Variants in DOCK4 observed in about 807,000 individuals in gnomAD.
DOCK4 encodes dedicator of cytokinesis 4.
A neutral mutation model predicts 268.1 loss-of-function variants in DOCK4; 97 were observed. The observed-to-expected ratio is 0.36, with a 90% confidence interval of 0.31 to 0.43. DOCK4 has a LOEUF of 0.43. DOCK4 is among the 20% of genes least tolerant of loss of function. The pLI, the probability that DOCK4 is intolerant of heterozygous loss-of-function variation, is 1.00. For synonymous variants in DOCK4, 954 were observed against 887.2 expected (o/e 1.08, Z -1.34); for missense variants, 2,145 against 2,455.7 (o/e 0.87, Z 2.67).
intron 39 of DOCK4, among the ~76,000 whole-genome samples, chr7:111,760,738 TTGTGTGTGTGTGTGTGTGTGTGTG>T (rs3997406): frequency 7.3e-6 from 1 of 137,002 alleles, no homozygotes; most frequent in Admixed American, 7.6e-5. Flanking sequence ...TGTCTGCTTT[TTGTGTGTGTGTGTGTGTGTGTGTG>T]TGTGTGTGTG....
At chr7:111,970,411 G>A (rs906375076) in intron 8 of DOCK4, among the ~76,000 whole-genome samples, 2 of 151,992 alleles carry the variant, frequency 1.3e-5, no homozygotes, top group African/African-American at 4.8e-5. Flanking sequence ...GTGTTACAAG[G>A]GCTGATTAAA....
chr7:111,842,929 T>A (rs997234591), intron 25 of DOCK4, among the ~76,000 whole-genome samples: 1 of 152,206 alleles, frequency 6.6e-6, no homozygotes, highest in Non-Finnish European at 1.5e-5. Context: ...ATGAGTGGTA[T>A]CACACAAAGC....
chr7:111,890,829 T>C (rs2134348906), intron 16 of DOCK4, among the ~76,000 whole-genome samples: 1 of 152,346 alleles, frequency 6.6e-6, no homozygotes, highest in South Asian at 2.1e-4. Flanking sequence ...GGATTGAGTC[T>C]TTTAAACTAA....
At chr7:111,755,209 G>A (rs1213456826) in intron 42 of DOCK4, among the ~76,000 whole-genome samples, 1 of 152,140 alleles carries the variant, frequency 6.6e-6, no homozygotes, top group Non-Finnish European at 1.5e-5. Flanking sequence ...AAGCACTGAA[G>A]GTCACACAGC....
intron 1 of DOCK4, among the ~76,000 whole-genome samples, chr7:112,062,462 TTA>T (rs1806508183): frequency 6.6e-6 from 1 of 152,206 alleles, no homozygotes; most frequent in Non-Finnish European, 1.5e-5. Flanking sequence ...GTCAATGTTT[TTA>T]TATTTAACTA....
intron 17 of DOCK4, among the ~76,000 whole-genome samples, chr7:111,874,094 C>G (rs1247718545): frequency 6.6e-6 from 1 of 152,172 alleles, no homozygotes; most frequent in Non-Finnish European, 1.5e-5. Context: ...TGCTGCTTCC[C>G]TCCTACCTAC....
chr7:111,839,784 A>T (rs1174723466), intron 25 of DOCK4, among the ~76,000 whole-genome samples: 1 of 152,048 alleles, frequency 6.6e-6, no homozygotes, highest in Admixed American at 6.6e-5. Flanking sequence ...CCATAATGTA[A>T]TTTTTTTGCT....
At position 112,117,070 on chromosome 7, in the gene DOCK4, A is replaced by C. The variant is rs531360146; in HGVS notation, c.37+89032T>G. On this transcript the variant is annotated intron_variant, in intron 1 of 52. Coordinates refer to ENST00000428084, the MANE Select transcript of DOCK4 (RefSeq NM_001363540.2). ...AACCAAGCCATGCAACAACAAACAA[A>C]ACACACCTGTGCACACACTTTAAAA... is the stretch of plus-strand genomic sequence containing the variant. Among the ~76,000 whole-genome samples, 7 of 152,300 alleles carry C rather than the reference A, an allele frequency of 4.6e-5. No homozygotes were observed. The East Asian group carries it at 1.4e-3, about 29-fold the overall frequency.
intron 39 of DOCK4, among the ~76,000 whole-genome samples, chr7:111,763,157 T>C (rs1797562388): frequency 6.6e-6 from 1 of 152,098 alleles, no homozygotes; most frequent in Admixed American, 6.6e-5. Flanking sequence ...ATCTTGGAAA[T>C]TGATCAAACA....
At chr7:112,035,616 G>A (rs1803682962) in intron 1 of DOCK4, among the ~76,000 whole-genome samples, 1 of 152,076 alleles carries the variant, frequency 6.6e-6, no homozygotes, top group African/African-American at 2.4e-5. Flanking sequence ...ATGGAGTAGA[G>A]AGAGAATCAC....
chr7:111,752,392 G>A (rs1796717937), intron 42 of DOCK4, among the ~76,000 whole-genome samples: 1 of 152,074 alleles, frequency 6.6e-6, no homozygotes, highest in Non-Finnish European at 1.5e-5. Context: ...TGGCGCTATC[G>A]GTGGGGGCGC....
intron 1 of DOCK4, among the ~76,000 whole-genome samples, chr7:112,109,769 G>C (rs1012601468): frequency 7.2e-6 from 1 of 139,844 alleles, no homozygotes; most frequent in Non-Finnish European, 1.5e-5. Flanking sequence ...TTTTGAGACG[G>C]AGTCTCGCTC....
intron 24 of DOCK4, among the ~76,000 whole-genome samples, chr7:111,846,276 C>G (rs900319833): frequency 6.6e-6 from 1 of 152,100 alleles, no homozygotes; most frequent in East Asian, 1.9e-4. Flanking sequence ...AACCTGTTAC[C>G]GATGAGCAAA....
chr7:111,965,083 A>C lies in DOCK4; in HGVS notation c.701+12049T>G, dbSNP rs956526159. Among the ~76,000 whole-genome samples the C allele has an allele frequency of 1.1e-4, 10 of 90,830 alleles. 1 individual carries two copies. The allele number at this position is 90,830 out of a possible 152,430, so 59.6% of individuals were successfully genotyped here. On this transcript the variant is annotated intron_variant, in intron 8 of 52. Coordinates refer to ENST00000428084, the MANE Select transcript of DOCK4 (RefSeq NM_001363540.2). Reference sequence around the variant, plus strand: ...CTAAACATGGAAAGGAACAACCGGTACCAGCCGCTGCAAAATCATGCCAAA... The same window carrying C: ...CTAAACATGGAAAGGAACAACCGGTCCCAGCCGCTGCAAAATCATGCCAAA...
At chr7:111,987,489 A>G (rs958439994) in intron 6 of DOCK4, among the ~76,000 whole-genome samples, 49 of 152,318 alleles carry the variant, frequency 3.2e-4, no homozygotes, top group African/African-American at 1.2e-3. Context: ...TTTTCAAAAC[A>G]ATAAAGAAAT....
intron 1 of DOCK4, among the ~76,000 whole-genome samples, chr7:112,060,785 T>A (rs1806317107): frequency 6.6e-6 from 1 of 151,852 alleles, no homozygotes; most frequent in South Asian, 2.1e-4. Context: ...ACACAGAAAA[T>A]ACAATGGAGG....
intron 16 of DOCK4, among the ~76,000 whole-genome samples, chr7:111,894,531 G>C (rs1199425646): frequency 6.6e-6 from 1 of 152,126 alleles, no homozygotes; most frequent in Non-Finnish European, 1.5e-5. Context: ...ATATGAATTG[G>C]GCCAGGAAGC....
intron 1 of DOCK4, among the ~76,000 whole-genome samples, chr7:112,100,625 C>T (rs1030003342): frequency 2.0e-5 from 3 of 152,218 alleles, no homozygotes; most frequent in African/African-American, 7.2e-5. Context: ...TTCCACTCAA[C>T]ATCCAAGATT....
chr7:111,960,363 T>TAA lies in DOCK4; in HGVS notation c.702-14567_702-14566dup, dbSNP rs554540895. ...TGGGCAACAGAGCGAGGCTCTGTCT[T>TAA]AAAAAAAAAAAAAAGAAAAGAAAAA... On this transcript the variant is annotated intron_variant, in intron 8 of 52. Transcript: ENST00000428084. 3.8e-3 allele frequency among the ~76,000 whole-genome samples: 503 copies of TAA among 132,516 alleles called. 5 individuals are homozygous for TAA. The highest frequency in any genetic ancestry group is 0.013 in the African/African-American group (467 of 36,272). The allele number at this position is 132,516 out of a possible 152,430, so 86.9% of individuals were successfully genotyped here.
Sources: allele counts gnomAD v4.1 joint callset (sites outside exome capture counted in the v4.1 genomes callset), GRCh38; gene constraint gnomAD v4.1.1; transcripts MANE v1.5; gene names NCBI Gene and HGNC (gene_info 2026-07-23, HGNC 2026-07-21).